The following CCSER2 variants were observed in gnomAD, a reference collection of about 807,000 sequenced individuals.
CCSER2 encodes serine-rich coiled-coil domain-containing protein 2.
Under a neutral mutation model 92.3 loss-of-function variants are expected in CCSER2, and 46 were observed. The observed-to-expected ratio is 0.50, with a 90% CI of 0.39 to 0.64. CCSER2 has a LOEUF of 0.64. Among genes scored for constraint, CCSER2 ranks in the 30% least tolerant of loss-of-function variants. The pLI is 0.00. For missense variants in CCSER2, 1,244 were observed against 1,238.9 expected (o/e 1.00, Z -0.06); for synonymous variants, 433 against 431.4 (o/e 1.00, Z -0.04).
At chr10:84,337,079 T>C (rs189593798) in intron 1 of CCSER2, among the ~76,000 whole-genome samples, 1 of 152,278 alleles carries the variant, frequency 6.6e-6, no homozygotes, top group Admixed American at 6.5e-5. Flanking sequence ...AGTGGAGATA[T>C]GGTGAAGAGA....
At chr10:84,428,760 A>G (rs1279798130) in intron 5 of CCSER2, among the ~76,000 whole-genome samples, 1 of 152,002 alleles carries the variant, frequency 6.6e-6, no homozygotes, top group Non-Finnish European at 1.5e-5. Context: ...GATACTTTCT[A>G]TCAGTTTGAA....
chr10:84,364,736 A>ATTTTTTTTGTTTTTT (rs1564600678), intron 1 of CCSER2, among the ~76,000 whole-genome samples: 1 of 114,612 alleles, frequency 8.7e-6, no homozygotes, highest in Non-Finnish European at 2.0e-5. Context: ...GTATTTTTGA[A>ATTTTTTTTGTTTTTT]TTTTTTTTTG....
intron 1 of CCSER2, among the ~76,000 whole-genome samples, chr10:84,343,082 AG>A (rs1271295047): frequency 6.6e-6 from 1 of 152,270 alleles, no homozygotes; most frequent in African/African-American, 2.4e-5. Flanking sequence ...CATGTTGGCC[AG>A]GCTGGTCTCG....
rs1481781660 is a variant in CCSER2 at position 84,387,273 on chromosome 10, C to T, written c.1614+13458C>T. ...GGTTAACTGTTCAATGATGAGACCC[C>T]ATGGCACTTTAAATCACACCCTGGT... On this transcript the variant is annotated intron_variant, in intron 3 of 9. Coordinates refer to ENST00000372088, the MANE Select transcript of CCSER2 (RefSeq NM_001284240.2). 3.3e-5 allele frequency among the ~76,000 whole-genome samples: 5 copies of T among 152,118 alleles called. 1 individual carries two copies. Among genetic ancestry groups the T allele is most frequent in the Admixed American group, 3.3e-4 (5 of 15,280 alleles).
At chr10:84,451,979 A>T (rs1187923914) in intron 6 of CCSER2, among the ~76,000 whole-genome samples, 1 of 152,214 alleles carries the variant, frequency 6.6e-6, no homozygotes, top group African/African-American at 2.4e-5. Context: ...TTTGTAGTGC[A>T]CATTCTGGAC....
At chr10:84,407,026 A>G (rs910489676) in intron 3 of CCSER2, among the ~76,000 whole-genome samples, 2 of 152,254 alleles carry the variant, frequency 1.3e-5, no homozygotes, top group African/African-American at 4.8e-5. Flanking sequence ...TGCCTAAAGC[A>G]GATGTTAGAA....
At chr10:84,467,175 A>C (rs911136502) in intron 7 of CCSER2, among the ~76,000 whole-genome samples, 1 of 152,214 alleles carries the variant, frequency 6.6e-6, no homozygotes, top group African/African-American at 2.4e-5. Context: ...CTTTGTTTTA[A>C]AAGCTTTCTC....
chr10:84,509,685 A>G (rs978446503), intron 9 of CCSER2, among the ~76,000 whole-genome samples: 2 of 152,192 alleles, frequency 1.3e-5, no homozygotes, highest in African/African-American at 4.8e-5. Context: ...TTGATGCTTC[A>G]GTAACCAAGC....
intron 3 of CCSER2, among the ~76,000 whole-genome samples, chr10:84,396,940 C>T (rs1456684259): frequency 6.6e-6 from 1 of 152,232 alleles, no homozygotes; most frequent in East Asian, 1.9e-4. Flanking sequence ...AGATTGTTTC[C>T]AATATTTTAC....
chr10:84,472,916 C>T (rs796952390), intron 8 of CCSER2: 6 of 152,228 alleles, frequency 3.9e-5, no homozygotes, highest in African/African-American at 1.4e-4. Context: ...ACATCCTGTA[C>T]TTTGATGTCC....
intron 6 of CCSER2, among the ~76,000 whole-genome samples, chr10:84,448,844 G>A (rs1845089992): frequency 6.6e-6 from 1 of 151,930 alleles, no homozygotes; most frequent in African/African-American, 2.4e-5. Flanking sequence ...TACTCTTTTT[G>A]TTTCTGAATT....
Position 84,394,382 on chromosome 10 carries a change from A to AGTGTGTGT in CCSER2, c.1614+20569_1614+20570insGTGTGTGT, listed in dbSNP as rs879520976. Among the ~76,000 whole-genome samples, 146 of 91,268 alleles carry AGTGTGTGT rather than the reference A, an allele frequency of 1.6e-3. No homozygotes were observed. The East Asian group carries it at 0.019, about 12-fold the overall frequency. 59.9% of individuals were successfully genotyped at this position (91,268 alleles called of 152,430 possible). The stretch of plus-strand genomic sequence containing the variant: ...TATGCTCTTGAAATAACAAAAGGAA[A>AGTGTGTGT]GTATGTGTGTGTGTGTGTGTGTGTG... On this transcript the variant is annotated intron_variant, in intron 3 of 9. Transcript: ENST00000372088.
rs1001895279 is a variant in CCSER2, at chr10:84,514,481, G to A, written c.*214G>A. The A allele has an allele frequency of 2.2e-5, 12 of 536,246 alleles. No homozygotes were observed. The highest frequency in any genetic ancestry group is 7.2e-5 in the Admixed American group (2 of 27,618). 33.2% of individuals were successfully genotyped at this position (536,246 alleles called of 1,614,324 possible). A position where few individuals can be genotyped will look rare whatever the true frequency, so the allele number is the denominator to read the frequency against. On this transcript the variant is annotated 3_prime_UTR_variant, in exon 10 of 10. Coordinates refer to ENST00000372088, the MANE Select transcript of CCSER2 (RefSeq NM_001284240.2). ...GAGCATAATTATCTCAGGTAAACAC[G>A]AAAGTTTGCTTACCCATTTCAGAGG...
At chr10:84,508,593 TTC>T (rs1354000723) in intron 9 of CCSER2, among the ~76,000 whole-genome samples, 1 of 152,130 alleles carries the variant, frequency 6.6e-6, no homozygotes, top group East Asian at 1.9e-4. Context: ...GAGAAGAAAG[TTC>T]TCTCTAAACT....
rs953326853 is a variant in CCSER2, at chr10:84,516,333, C to T, written c.*2066C>T. On this transcript the variant is annotated 3_prime_UTR_variant, in exon 10 of 10. Coordinates refer to ENST00000372088, the MANE Select transcript of CCSER2 (RefSeq NM_001284240.2). The stretch of plus-strand genomic sequence containing the variant: ...GATGGAGAAGCAGTGAAGTTCAGAA[C>T]GTTCTTCACATAGTCCAGATACTGT... The T allele has an allele frequency of 2.0e-5, 3 of 152,168 alleles. No individual in the cohort carries two copies. The highest frequency in any genetic ancestry group is 1.3e-4 in the Admixed American group (2 of 15,282). The allele number at this position is 152,168 out of a possible 1,614,324, so 9.4% of individuals were successfully genotyped here. A position where few individuals can be genotyped will look rare whatever the true frequency, so the allele number is the denominator to read the frequency against.
chr10:84,473,940 A>T lies in CCSER2; in HGVS notation c.2235+3482A>T, dbSNP rs529847142. Among the ~76,000 whole-genome samples the T allele has an allele frequency of 2.0e-5, 3 of 152,278 alleles. No individual in the cohort carries two copies. The South Asian group carries it at 6.2e-4, about 32-fold the overall frequency. ...AAAAATATACATTCAACTCCAACCT[A>T]TGTTTGCATGCAAACCTTCATAAAA... On this transcript the variant is annotated intron_variant, in intron 8 of 9. Transcript: ENST00000372088.
intron 4 of CCSER2, among the ~76,000 whole-genome samples, chr10:84,419,570 A>G (rs1843040492): frequency 6.6e-6 from 1 of 152,184 alleles, no homozygotes; most frequent in Non-Finnish European, 1.5e-5. Context: ...TTCTGTAAGG[A>G]GAGAATGAAA....
At chr10:84,487,181 G>A (rs1293382452) in intron 9 of CCSER2, among the ~76,000 whole-genome samples, 1 of 152,178 alleles carries the variant, frequency 6.6e-6, no homozygotes, top group African/African-American at 2.4e-5. Context: ...GTGGCATGAT[G>A]CCTCCAGCTT....
At chr10:84,351,831 C>T (rs1844875463) in intron 1 of CCSER2, among the ~76,000 whole-genome samples, 1 of 152,156 alleles carries the variant, frequency 6.6e-6, no homozygotes, top group Non-Finnish European at 1.5e-5. Context: ...ATTTTGTGGC[C>T]TTACCACATT....
Sources: allele counts gnomAD v4.1 joint callset (sites outside exome capture counted in the v4.1 genomes callset), GRCh38; gene constraint gnomAD v4.1.1; transcripts MANE v1.5; gene names NCBI Gene and HGNC (gene_info 2026-07-23, HGNC 2026-07-21).